ZSCAN32: variants seen among roughly 807,000 people sequenced by gnomAD.
ZSCAN32 encodes zinc finger and SCAN domain-containing protein 32.
Under a neutral mutation model 47.4 loss-of-function variants are expected in ZSCAN32, and 52 were observed. The ratio of observed to expected loss-of-function variants is 1.10; its 90% CI spans 0.88 to 1.38. ZSCAN32 has a LOEUF of 1.38. Ranked by LOEUF, ZSCAN32 falls within the 40% of genes most tolerant of loss-of-function variation. ZSCAN32 has a pLI of 0.00. For missense variants in ZSCAN32, 959 were observed against 846.0 expected (o/e 1.13, Z -1.66); for synonymous variants, 346 against 305.7 (o/e 1.13, Z -1.38).
In ZSCAN32 at chr16:3,383,428, A is replaced by G. The variant is rs764945499; in HGVS notation, c.1518T>C (p.Ser506=). Residue 506 remains serine, a synonymous_variant, in exon 7 of 7, where the codon AGT becomes AGC. Coordinates refer to ENST00000396852, the MANE Select transcript of ZSCAN32 (RefSeq NM_001284527.2). ...HILCGKNCSQ[S]VHSPHKPALK... ...GCGCTGGCTTGTGGGGAGAGTGCAC[A>G]CTCTGAGAGCAGTTTTTCCCACAGA... The G allele has an allele frequency of 8.1e-6, 13 of 1,613,902 alleles. No homozygotes were observed. The highest frequency in any genetic ancestry group is 8.0e-5 in the African/African-American group (6 of 74,856).
At chr16:3,392,375 A>ATT (rs34506287) in intron 3 of ZSCAN32, among the ~76,000 whole-genome samples, 1 of 129,384 alleles carries the variant, frequency 7.7e-6, no homozygotes, top group Non-Finnish European at 1.7e-5. Context: ...AATTAAAACA[A>ATT]TTTTTTTTTT....
At chr16:3,383,805 C>G (rs913204462) in intron 6 of ZSCAN32, 94 bp from the exon 7 acceptor site, 7 of 1,269,924 alleles carry the variant, frequency 5.5e-6, no homozygotes, top group African/African-American at 3.0e-5. Context: ...GAAGAAATAT[C>G]TAATTGAAAT....
intron 2 of ZSCAN32, among the ~76,000 whole-genome samples, chr16:3,394,271 CAAA>C (rs1159840901): frequency 2.7e-5 from 4 of 150,518 alleles, no homozygotes; most frequent in African/African-American, 9.8e-5. Flanking sequence ...GTCTCAAAAA[CAAA>C]AAAAAACTCT....
At position 3,384,770 on chromosome 16, in the gene ZSCAN32, G is replaced by GTA; in HGVS notation, c.922_923insTA (p.Thr308IlefsTer9). 1 of 1,614,172 alleles carries GTA rather than the reference G, an allele frequency of 6.2e-7. No homozygotes were observed. Among genetic ancestry groups the GTA allele is most frequent in the Non-Finnish European group, 8.5e-7 (1 of 1,180,034 alleles). On this transcript the variant is annotated frameshift_variant, in exon 6 of 7. Transcript: ENST00000396852. LOFTEE classifies it high-confidence loss of function. ...ACTCAACTGTAGGCTTTTGAACTTG[G>GTA]TGCGACACTGTTCTGGGGTCCGCAG...
intron 5 of ZSCAN32, among the ~76,000 whole-genome samples, chr16:3,386,392 A>G (rs901642238): frequency 8.6e-5 from 13 of 151,908 alleles, no homozygotes; most frequent in Admixed American, 8.5e-4. Context: ...GCGATTCCTC[A>G]GGGATCTAGA....
intron 2 of ZSCAN32, among the ~76,000 whole-genome samples, chr16:3,394,685 T>G (rs966029602): frequency 2.6e-5 from 4 of 152,158 alleles, no homozygotes; most frequent in Non-Finnish European, 5.9e-5. Flanking sequence ...TCCAGACTCC[T>G]CTTTGCAGCC....
Position 3,382,817 on chromosome 16 carries a change from C to G in ZSCAN32, c.*35G>C. On this transcript the variant is annotated 3_prime_UTR_variant, in exon 7 of 7. Coordinates refer to ENST00000396852, the MANE Select transcript of ZSCAN32 (RefSeq NM_001284527.2). ...GCAGAAGAAAGCTCATACATGCTGA[C>G]CTGAGGAACTTAATCTGACAGTTTA... The G allele has an allele frequency of 6.5e-7, 1 of 1,532,372 alleles. No individual in the cohort carries two copies. The highest frequency in any genetic ancestry group is 8.8e-7 in the Non-Finnish European group (1 of 1,138,634). The allele number at this position is 1,532,372 out of a possible 1,614,324, so 94.9% of individuals were successfully genotyped here.
chr16:3,384,545 C>G lies in ZSCAN32; in HGVS notation c.1148G>C (p.Gly383Ala). 1 of 1,614,160 alleles carries G rather than the reference C, an allele frequency of 6.2e-7. No individual in the cohort carries two copies. Among genetic ancestry groups the G allele is most frequent in the East Asian group, 2.2e-5 (1 of 44,872 alleles). Residue 383 changes from glycine (G) to alanine (A), a missense_variant, in exon 6 of 7, where the codon GGT becomes GCT. Coordinates refer to ENST00000396852, the MANE Select transcript of ZSCAN32 (RefSeq NM_001284527.2). ...GAAGTCCTTTTCATCCCTGTCTGCA[C>G]CATCCACAGTGCCATCTTCTACCTC... Reference protein sequence around the residue: ...PTEVEDGTVDGADRDEKDFRN... With the variant: ...PTEVEDGTVDAADRDEKDFRN...
chr16:3,394,903 A>C (rs1049659556), intron 2 of ZSCAN32, among the ~76,000 whole-genome samples: 1 of 152,068 alleles, frequency 6.6e-6, no homozygotes, highest in Non-Finnish European at 1.5e-5. Context: ...CTCCTCCTTC[A>C]GTGTCACCTC....
chr16:3,393,538 A>G lies in ZSCAN32; in HGVS notation c.532+111T>C, dbSNP rs548442383. 101 of 1,121,558 alleles carry G rather than the reference A, an allele frequency of 9.0e-5. No homozygotes were observed. In the African/African-American group the frequency reaches 1.3e-3, roughly 14 times the overall value. The allele number at this position is 1,121,558 out of a possible 1,614,324, so 69.5% of individuals were successfully genotyped here. On this transcript the variant is annotated intron_variant, in intron 3 of 6. Coordinates refer to ENST00000396852, the MANE Select transcript of ZSCAN32 (RefSeq NM_001284527.2). ...ACACGCCCTGCCGGTTTTTGGATGT[A>G]TTTCAAAGGCATTTAGTCTGGAACC...
chr16:3,388,973 C>T (rs2032335682), intron 5 of ZSCAN32, among the ~76,000 whole-genome samples: 1 of 152,174 alleles, frequency 6.6e-6, no homozygotes, highest in South Asian at 2.1e-4. Context: ...GAATTGTTCA[C>T]TTTACAGTGG....
At chr16:3,396,690 G>T (rs1333328703) in intron 2 of ZSCAN32, among the ~76,000 whole-genome samples, 4 of 152,138 alleles carry the variant, frequency 2.6e-5, no homozygotes, top group Admixed American at 2.6e-4. Flanking sequence ...TCAGATCTCA[G>T]ACCTAGTCCT....
chr16:3,398,997 C>T (rs1205212039), intron 1 of ZSCAN32, among the ~76,000 whole-genome samples: 4 of 152,074 alleles, frequency 2.6e-5, no homozygotes, highest in African/African-American at 9.7e-5. Flanking sequence ...CCAAGGCGGG[C>T]GGATCACGTG....
At chr16:3,385,037 A>T (rs1413013124) in intron 5 of ZSCAN32, 96 bp from the exon 6 acceptor site, 1 of 1,439,348 alleles carries the variant, frequency 6.9e-7, no homozygotes, top group Non-Finnish European at 9.3e-7. Context: ...AAAAAGTTAC[A>T]TCCTAGGCTG....
intron 2 of ZSCAN32, 85 bp from the exon 3 acceptor site, chr16:3,393,899 G>T: frequency 8.1e-7 from 1 of 1,229,612 alleles, no homozygotes; most frequent in Middle Eastern, 2.1e-4. Flanking sequence ...TAAAAAATGT[G>T]TAACATAAGG....
chr16:3,399,119 AG>A (rs1425183065), intron 1 of ZSCAN32, among the ~76,000 whole-genome samples: 1 of 152,168 alleles, frequency 6.6e-6, no homozygotes, highest in Non-Finnish European at 1.5e-5. Context: ...GCTACTCGGG[AG>A]GCTGAGGCAG....
chr16:3,386,103 AAAC>A (rs1413301314), intron 5 of ZSCAN32, among the ~76,000 whole-genome samples: 2 of 152,220 alleles, frequency 1.3e-5, no homozygotes, highest in African/African-American at 2.4e-5. Flanking sequence ...TACAAGAAAA[AAAC>A]AACCCCATCA....
At position 3,390,492 on chromosome 16, in the gene ZSCAN32, C is replaced by T. The variant is rs2032553543; in HGVS notation, c.558G>A (p.Arg186=). ...GGAGACCTGTGTTTTGAGGCAGGTT[C>T]CTGGGAGCCTGAGGAGCAAGCCAGG... ...SEAWLAPQAP[R]NLPQNTGLHD... The change falls in exon 4 of 7, where the codon AGG becomes AGA. Residue 186 remains arginine (R), a synonymous_variant. Coordinates refer to ENST00000396852, the MANE Select transcript of ZSCAN32 (RefSeq NM_001284527.2). 2.6e-6 allele frequency: 4 copies of T among 1,549,178 alleles called. No homozygotes were observed. Among genetic ancestry groups the T allele is most frequent in the Non-Finnish European group, 2.6e-6 (3 of 1,146,934 alleles).
Position 3,382,995 on chromosome 16 carries a change from G to A in ZSCAN32, c.1951C>T (p.His651Tyr). Reference sequence around the variant, plus strand: ...TTTTCACCAGTGTGGGTTTTTCGGTGGGCACTGAAGTGGGAGCTATTGTTG... The same window carrying A: ...TTTTCACCAGTGTGGGTTTTTCGGTAGGCACTGAAGTGGGAGCTATTGTTG... ...IFNNSSHFSA[H>Y]RKTHTGEKPY... The change falls in exon 7 of 7, where the codon CAC becomes TAC. Residue 651 changes from histidine to tyrosine, a missense_variant. Coordinates refer to ENST00000396852, the MANE Select transcript of ZSCAN32 (RefSeq NM_001284527.2). 6.2e-7 allele frequency: 1 copy of A among 1,614,090 alleles called. No homozygotes were observed. Among genetic ancestry groups the A allele is most frequent in the African/African-American group, 1.3e-5 (1 of 75,016 alleles).
Sources: gnomAD v4.1 joint callset for allele counts (sites outside exome capture counted in the v4.1 genomes callset) on GRCh38, gnomAD v4.1.1 for gene constraint, MANE v1.5 for transcripts, NCBI Gene and HGNC (gene_info 2026-07-23, HGNC 2026-07-21) for gene names.